The following CCNI2 variants were observed in gnomAD, a reference collection of about 807,000 sequenced individuals.
CCNI2 encodes the protein cyclin-I2.
In CCNI2, 32 loss-of-function variants were observed where a neutral mutation model predicts 33.2. That is an observed-to-expected ratio of 0.96 (90% CI 0.73 to 1.30). CCNI2 has a LOEUF of 1.30. Ranked by LOEUF, CCNI2 falls within the 50% of genes most tolerant of loss-of-function variation. CCNI2 has a pLI of 0.00. For missense variants in CCNI2, 452 were observed against 486.2 expected (o/e 0.93, Z 0.66); for synonymous variants, 231 against 219.9 (o/e 1.05, Z -0.45).
At chr5:132,755,856 C>T, downstream of CCNI2, 1 of 601,082 alleles carries the variant, frequency 1.7e-6, no homozygotes, top group African/African-American at 2.1e-5. Context: ...GCAGGGTTTC[C>T]TATTAAAACA....
intron 2 of CCNI2, among the ~76,000 whole-genome samples, chr5:132,749,133 A>G (rs1052067782): frequency 2.0e-5 from 3 of 152,046 alleles, no homozygotes; most frequent in Admixed American, 6.5e-5. Context: ...GCCCGCCCCT[A>G]TAGTCCTAGC....
rs986651033 is a variant in CCNI2 at position 132,748,392 on chromosome 5, C to A, written c.475C>A (p.Arg159=). Residue 159 remains arginine, a synonymous_variant, in exon 2 of 6, where the codon CGG becomes AGG. Transcript: ENST00000378731. ...AFEEVVLWLL[R]LQNTFYFSQS... ...CGAGGAAGTCGTGCTGTGGCTCCTG[C>A]GGCTTCAGAACACCTTTTACTTCTC... 1.9e-6 allele frequency: 3 copies of A among 1,614,146 alleles called. No homozygotes were observed. The Admixed American group carries it at 5.0e-5, about 27-fold the overall frequency.
At chr5:132,755,004 A>C (rs1435394881), downstream of CCNI2, among the ~76,000 whole-genome samples, 1 of 152,124 alleles carries the variant, frequency 6.6e-6, no homozygotes, top group African/African-American at 2.4e-5. Context: ...CCTGAAATGA[A>C]TGAGCCAAGT....
Position 132,747,668 on chromosome 5 carries a change from G to A in CCNI2, c.173G>A (p.Gly58Glu). The part of the protein sequence containing the change: ...LPRSNRSRCP[G>E]TRQPGAASLH... ...CGAAGCAACCGGAGCAGGTGCCCTG[G>A]GACCCGCCAGCCCGGAGCGGCCTCC... The change falls in exon 1 of 6, where the codon GGG becomes GAG. Residue 58 changes from glycine to glutamate, a missense_variant. Physicochemically the swap from Gly to Glu is moderately conservative, Grantham distance 98 (BLOSUM62 -2). Transcript: ENST00000378731. The surrounding 1 kb of genome is among the most constrained non-coding windows in gnomAD (Gnocchi z 4.1). 1.3e-6 allele frequency: 2 copies of A among 1,502,838 alleles called. No homozygotes were observed. Among genetic ancestry groups the A allele is most frequent in the South Asian group, 2.5e-5 (2 of 80,384 alleles). 93.1% of individuals were successfully genotyped at this position (1,502,838 alleles called of 1,614,324 possible).
intron 2 of CCNI2, among the ~76,000 whole-genome samples, chr5:132,748,767 G>A (rs904136360): frequency 6.6e-6 from 1 of 152,140 alleles, no homozygotes; most frequent in East Asian, 1.9e-4. Context: ...AGGGCAGCTT[G>A]AGGCTAGGAT....
In CCNI2 at chr5:132,754,149, A is replaced by T; in HGVS notation, c.*1179A>T. The T allele has an allele frequency of 2.4e-6, 1 of 413,086 alleles. No homozygotes were observed. The highest frequency in any genetic ancestry group is 4.4e-6 in the Non-Finnish European group (1 of 228,582). The allele number at this position is 413,086 out of a possible 1,614,324, so 25.6% of individuals were successfully genotyped here. ...TTGTTGGTGCTTTCGTTAAAATTACACTTTAATTGCTTCCGATCCTGTATG... is the reference window on the plus strand; with the variant it reads ...TTGTTGGTGCTTTCGTTAAAATTACTCTTTAATTGCTTCCGATCCTGTATG... On this transcript the variant is annotated 3_prime_UTR_variant, in exon 6 of 6. Transcript: ENST00000378731.
intron 3 of CCNI2, among the ~76,000 whole-genome samples, chr5:132,750,395 G>A (rs753272931): frequency 6.6e-6 from 1 of 152,140 alleles, no homozygotes; most frequent in Non-Finnish European, 1.5e-5. Context: ...TTGCAGTTGC[G>A]ATGCTAAAAA....
At chr5:132,751,725 C>G in intron 4 of CCNI2, 1 of 580,888 alleles carries the variant, frequency 1.7e-6, no homozygotes, top group South Asian at 2.2e-5. Flanking sequence ...GTACTTTCCG[C>G]TCATAACGAT....
At chr5:132,754,586 G>A, downstream of CCNI2, 1 of 712,132 alleles carries the variant, frequency 1.4e-6, no homozygotes, top group Non-Finnish European at 2.6e-6. Context: ...CTTCTGCTCT[G>A]GCTTTCTATA....
intron 2 of CCNI2, 135 bp downstream of exon 2, chr5:132,748,610 G>C: frequency 9.2e-7 from 1 of 1,088,508 alleles, no homozygotes; most frequent in Non-Finnish European, 1.3e-6. Flanking sequence ...CCGAGTGGAA[G>C]AGCTGGTGTT....
At chr5:132,748,139 A>G (rs1046264339) in intron 1 of CCNI2, among the ~76,000 whole-genome samples, 1 of 151,670 alleles carries the variant, frequency 6.6e-6, no homozygotes, top group African/African-American at 2.4e-5. Flanking sequence ...GAATCAAGGA[A>G]CTCAGCCTAC....
rs1755055653 is a variant in CCNI2 at position 132,753,664 on chromosome 5, T to G, written c.*694T>G. 1 of 152,456 alleles carries G rather than the reference T, an allele frequency of 6.6e-6. No homozygotes were observed. The highest frequency in any genetic ancestry group is 6.5e-5 in the Admixed American group (1 of 15,314). 9.4% of individuals were successfully genotyped at this position (152,456 alleles called of 1,614,324 possible). The stretch of plus-strand genomic sequence containing the variant: ...TCAGTTATTAGTTTAACTAGAGGGA[T>G]TTTGTGCTAATGAATGGGTATTATA... On this transcript the variant is annotated 3_prime_UTR_variant, in exon 6 of 6. Coordinates refer to ENST00000378731, the MANE Select transcript of CCNI2 (RefSeq NM_001039780.4).
chr5:132,751,609 A>G (rs1174050482), intron 4 of CCNI2: 1 of 319,626 alleles, frequency 3.1e-6, no homozygotes, highest in Non-Finnish European at 5.7e-6. Flanking sequence ...ACCGTTGCCA[A>G]GTTGCAGAGT....
chr5:132,747,623 CG>C lies in CCNI2; in HGVS notation c.133del (p.Glu45ArgfsTer138), dbSNP rs1451822015. On this transcript the variant is annotated frameshift_variant, in exon 1 of 6. Transcript: ENST00000378731. LOFTEE classifies it high-confidence loss of function. The surrounding 1 kb of genome is among the most constrained non-coding windows in gnomAD (Gnocchi z 4.1). Reference sequence around the variant, plus strand: ...CTGGGCGTTCCTCTCCCGCCGTCTCCGGGGGAGGCCCCTCTGCCCCGAAGCA... The same window carrying C: ...CTGGGCGTTCCTCTCCCGCCGTCTCCGGGGAGGCCCCTCTGCCCCGAAGCA... Reference protein sequence around the residue: ...TALGVPLPPSPGEAPLPRSNR... With the variant: ...TALGVPLPPSXGEAPLPRSNR... 3.3e-6 allele frequency: 5 copies of C among 1,501,256 alleles called. No homozygotes were observed. The highest frequency in any genetic ancestry group is 2.8e-5 in the East Asian group (1 of 36,258). 93.0% of individuals were successfully genotyped at this position (1,501,256 alleles called of 1,614,324 possible).
rs1456825348 is a variant in CCNI2 at position 132,747,828 on chromosome 5, C to G, written c.333C>G (p.Arg111=). The G allele has an allele frequency of 6.8e-7, 1 of 1,481,270 alleles. No homozygotes were observed. Among genetic ancestry groups the G allele is most frequent in the East Asian group, 2.9e-5 (1 of 34,680 alleles). The allele number at this position is 1,481,270 out of a possible 1,614,324, so 91.8% of individuals were successfully genotyped here. ...PRPAPQSRKP[R]NLEGDLDERR... is the part of the protein sequence containing the mutation. ...CGGCTCCACAGTCCCGCAAGCCGCG[C>G]AACCTGGAAGGCGACCTGGACGAGC... Residue 111 remains arginine (R), a synonymous_variant, in exon 1 of 6, where the codon CGC becomes CGG. Coordinates refer to ENST00000378731, the MANE Select transcript of CCNI2 (RefSeq NM_001039780.4). This position sits in a 1 kb window ranked among gnomAD's most constrained non-coding sequence, Gnocchi z 4.1.
intron 5 of CCNI2, among the ~76,000 whole-genome samples, 165 bp downstream of exon 5, chr5:132,752,361 G>A (rs73263384): frequency 0.028 from 4,314 of 152,192 alleles, 194 homozygotes; most frequent in African/African-American, 0.098. Flanking sequence ...ACTTGGTCAC[G>A]CTCTATGCAC....
rs1261306246 is a variant in CCNI2 at position 132,747,841 on chromosome 5, G to A, written c.346G>A (p.Asp116Asn). ...CCGCAAGCCGCGCAACCTGGAAGGCGACCTGGACGAGCGCCGGCTGCTCTG... is the reference window on the plus strand; with the variant it reads ...CCGCAAGCCGCGCAACCTGGAAGGCAACCTGGACGAGCGCCGGCTGCTCTG... The part of the protein sequence containing the change: ...QSRKPRNLEG[D>N]LDERRLLCHL... Residue 116 changes from aspartate to asparagine, a missense_variant, in exon 1 of 6, where the codon GAC becomes AAC. Transcript: ENST00000378731. This position sits in a 1 kb window ranked among gnomAD's most constrained non-coding sequence, Gnocchi z 4.1. The A allele has an allele frequency of 1.4e-6, 2 of 1,478,966 alleles. No individual in the cohort carries two copies. The highest frequency in any genetic ancestry group is 4.7e-5 in the Admixed American group (2 of 42,444). 91.6% of individuals were successfully genotyped at this position (1,478,966 alleles called of 1,614,324 possible). A position where few individuals can be genotyped will look rare whatever the true frequency, so the allele number is the denominator to read the frequency against.
chr5:132,753,112 G>A lies in CCNI2; in HGVS notation c.*142G>A, dbSNP rs1755006155. The A allele has an allele frequency of 4.5e-6, 3 of 667,626 alleles. No homozygotes were observed. The highest frequency in any genetic ancestry group is 7.7e-6 in the Non-Finnish European group (3 of 389,366). The allele number at this position is 667,626 out of a possible 1,614,324, so 41.4% of individuals were successfully genotyped here. Reference sequence around the variant, plus strand: ...AGCAACTGAGAAAAAGTTCCCAACTGAGCCCTTGGAAAAAAAATAAAGGGG... The same window carrying A: ...AGCAACTGAGAAAAAGTTCCCAACTAAGCCCTTGGAAAAAAAATAAAGGGG... On this transcript the variant is annotated 3_prime_UTR_variant, in exon 6 of 6. Transcript: ENST00000378731.
chr5:132,747,475 A>C lies in CCNI2; in HGVS notation c.-21A>C. 7.0e-7 allele frequency: 1 copy of C among 1,432,350 alleles called. No homozygotes were observed. The highest frequency in any genetic ancestry group is 2.7e-5 in the Admixed American group (1 of 36,366). The allele number at this position is 1,432,350 out of a possible 1,614,324, so 88.7% of individuals were successfully genotyped here. A position where few individuals can be genotyped will look rare whatever the true frequency, so the allele number is the denominator to read the frequency against. ...AATGCCGGGTTAAGCGGCAACTCAG[A>C]CTCAGGATCCCGCTCACGACATGGC... On this transcript the variant is annotated 5_prime_UTR_variant, in exon 1 of 6. Coordinates refer to ENST00000378731, the MANE Select transcript of CCNI2 (RefSeq NM_001039780.4). The surrounding 1 kb of genome is among the most constrained non-coding windows in gnomAD (Gnocchi z 4.1).
Sources: allele counts gnomAD v4.1 joint callset (sites outside exome capture counted in the v4.1 genomes callset), GRCh38; gene constraint gnomAD v4.1.1; non-coding constraint Gnocchi (gnomAD v3.1); transcripts MANE v1.5; gene names NCBI Gene and HGNC (gene_info 2026-07-23, HGNC 2026-07-21).